Variants in HEXB observed in about 807,000 individuals in gnomAD.
The protein encoded by HEXB is beta-hexosaminidase subunit beta.
In HEXB, 51 loss-of-function variants were observed where a neutral mutation model predicts 71.2. The ratio of observed to expected loss-of-function variants is 0.72; its 90% CI spans 0.57 to 0.90. The LOEUF (loss-of-function observed/expected upper bound fraction) is 0.90, where lower values mean the gene tolerates loss of function less well. Ranked by LOEUF, HEXB falls within the 40% of genes least tolerant of loss-of-function variation. HEXB has a pLI of 0.00. For synonymous variants in HEXB, 266 were observed against 249.3 expected (o/e 1.07, Z -0.63); for missense variants, 617 against 677.0 (o/e 0.91, Z 0.98).
chr5:74,684,383 A>G (rs1193723994), upstream of HEXB, among the ~76,000 whole-genome samples: 1 of 152,208 alleles, frequency 6.6e-6, no homozygotes, highest in Non-Finnish European at 1.5e-5. Flanking sequence ...GTTCTCTCTC[A>G]GGATTCCTTG....
chr5:74,719,247 T>C (rs1749752717), intron 11 of HEXB, among the ~76,000 whole-genome samples: 1 of 152,230 alleles, frequency 6.6e-6, no homozygotes, highest in South Asian at 2.1e-4. Context: ...TTTATCTCCA[T>C]TTTCAGTGAT....
At chr5:74,710,900 C>G (rs1416621457) in intron 6 of HEXB, among the ~76,000 whole-genome samples, 2 of 152,186 alleles carry the variant, frequency 1.3e-5, no homozygotes, top group East Asian at 1.9e-4. Flanking sequence ...CATCAAGCTA[C>G]CAATGACTTT....
chr5:74,647,216 A>G (rs1172411769), intron 1 of HEXB, among the ~76,000 whole-genome samples: 1 of 152,226 alleles, frequency 6.6e-6, no homozygotes, highest in Non-Finnish European at 1.5e-5. Context: ...AAGTAATTAC[A>G]TTCAACAATT....
chr5:74,662,508 CT>C (rs11332020), intron 1 of HEXB, among the ~76,000 whole-genome samples: 112,003 of 152,028 alleles, frequency 0.74, 41,415 homozygotes, highest in Admixed American at 0.81. Context: ...ATGTATAACT[CT>C]TTTTCTATAT....
chr5:74,675,476 A>G (rs1748614023), intron 1 of HEXB, among the ~76,000 whole-genome samples: 1 of 152,170 alleles, frequency 6.6e-6, no homozygotes, highest in Non-Finnish European at 1.5e-5. Context: ...AAGAGCAACA[A>G]GAGGCTCCAC....
rs1395860081 is a variant in HEXB at position 74,652,670 on chromosome 5, G to A, written c.-377+12112G>A. 6.6e-6 allele frequency among the ~76,000 whole-genome samples: 1 copy of A among 152,038 alleles called. No homozygotes were observed. The highest frequency in any genetic ancestry group is 2.4e-5 in the African/African-American group (1 of 41,382). On this transcript the variant is annotated intron_variant, in intron 1 of 13. Coordinates refer to the HEXB transcript ENST00000511181. The surrounding 1 kb of genome is among the most constrained non-coding windows in gnomAD (Gnocchi z 5.4). ...CCTCCCTTACCCCCACTACCCCCAG[G>A]ATTGTGTCCAAGTTCCAAAGTGTTC...
At chr5:74,693,394 G>A (rs1175169552) in intron 2 of HEXB, 22 of 554,298 alleles carry the variant, frequency 4.0e-5, no homozygotes, top group Non-Finnish European at 7.2e-5. Flanking sequence ...CTGAAATGAG[G>A]AACACAGAAG....
chr5:74,718,753 G>A (rs770008664), intron 10 of HEXB, 44 bp from the exon 11 acceptor site: 6 of 1,573,044 alleles, frequency 3.8e-6, no homozygotes, highest in Non-Finnish European at 5.3e-6. Flanking sequence ...TTCATCTACT[G>A]TTCTAGGCCT....
At chr5:74,710,529 C>T (rs1315971760) in intron 6 of HEXB, among the ~76,000 whole-genome samples, 1 of 152,060 alleles carries the variant, frequency 6.6e-6, no homozygotes, top group Non-Finnish European at 1.5e-5. Flanking sequence ...GATTGTATAT[C>T]TAGAAAACCC....
Position 74,709,002 on chromosome 5 carries a change from C to T in HEXB, c.771+3682C>T, listed in dbSNP as rs537183655. Among the ~76,000 whole-genome samples the T allele has an allele frequency of 3.6e-3, 551 of 152,098 alleles. 2 individuals carry two copies. The highest frequency in any genetic ancestry group is 0.013 in the African/African-American group (531 of 41,490). ...AACAGAAGATACATTTTTTTCAGCA[C>T]CACACCACACCTATTCCAAAATTGA... On this transcript the variant is annotated intron_variant, in intron 6 of 13. Coordinates refer to ENST00000261416, the MANE Select transcript of HEXB (RefSeq NM_000521.4).
At chr5:74,696,839 C>A in intron 4 of HEXB, 100 bp downstream of exon 4, 1 of 777,448 alleles carries the variant, frequency 1.3e-6, no homozygotes, top group Non-Finnish European at 2.2e-6. Context: ...ATTTCATTTC[C>A]CCAGATATTT....
chr5:74,649,724 G>A (rs1182686425), intron 1 of HEXB, among the ~76,000 whole-genome samples: 1 of 152,140 alleles, frequency 6.6e-6, no homozygotes, highest in Admixed American at 6.5e-5. Context: ...GTATAGTTGT[G>A]TTTTTTTAAT....
At chr5:74,701,678 A>G (rs1478733685) in intron 5 of HEXB, among the ~76,000 whole-genome samples, 1 of 152,052 alleles carries the variant, frequency 6.6e-6, no homozygotes, top group Non-Finnish European at 1.5e-5. Context: ...ATAGTGTGCA[A>G]AGAACTCCTA....
At chr5:74,718,725 A>G (rs1387691767) in intron 10 of HEXB, 72 bp from the exon 11 acceptor site, 9 of 1,418,466 alleles carry the variant, frequency 6.3e-6, no homozygotes, top group South Asian at 2.3e-5. Flanking sequence ...CCTAGTAATA[A>G]TGCCTTAAAC....
chr5:74,717,151 A>G (rs1042325595), intron 9 of HEXB, among the ~76,000 whole-genome samples: 1 of 152,168 alleles, frequency 6.6e-6, no homozygotes, highest in Non-Finnish European at 1.5e-5. Flanking sequence ...ACTGCACTCC[A>G]GCCTGGGCAA....
At chr5:74,684,669 CT>C (rs925738644), upstream of HEXB, among the ~76,000 whole-genome samples, 11 of 138,562 alleles carry the variant, frequency 7.9e-5, no homozygotes, top group African/African-American at 3.1e-4. Context: ...TTTTCTTTTT[CT>C]TTTCTTTTTT....
rs1358640976 is a variant in HEXB at position 74,652,800 on chromosome 5, G to T, written c.-377+12242G>T. 6.6e-6 allele frequency among the ~76,000 whole-genome samples: 1 copy of T among 152,068 alleles called. No individual in the cohort carries two copies. Among genetic ancestry groups the T allele is most frequent in the Non-Finnish European group, 1.5e-5 (1 of 68,034 alleles). ...CACCCTCTCTGAGCTCCAATAAGGT[G>T]GCTACTCAGTCTTGTCTCACTGCAG... On this transcript the variant is annotated intron_variant, in intron 1 of 13. Coordinates refer to the HEXB transcript ENST00000511181. This position sits in a 1 kb window ranked among gnomAD's most constrained non-coding sequence, Gnocchi z 5.4.
chr5:74,642,631 C>T (rs755721644), intron 1 of HEXB, among the ~76,000 whole-genome samples: 2 of 151,952 alleles, frequency 1.3e-5, no homozygotes, highest in Admixed American at 6.6e-5. Context: ...TAAAACGGCA[C>T]CTAGATGACC....
rs1447171708 is a variant in HEXB at position 74,677,549 on chromosome 5, C to A, written c.-376-11779C>A. Among the ~76,000 whole-genome samples the A allele has an allele frequency of 9.7e-5, 13 of 134,072 alleles. No individual in the cohort carries two copies. The East Asian group carries it at 2.7e-3, about 28-fold the overall frequency. 88.0% of individuals were successfully genotyped at this position (134,072 alleles called of 152,430 possible). ...TCAGAGGTCCATGCCAAGTTCAGCT[C>A]TCTTTGCCAACACCAGCAATTCAAC... is the stretch of plus-strand genomic sequence containing the variant. On this transcript the variant is annotated intron_variant, in intron 1 of 13. Coordinates refer to the HEXB transcript ENST00000511181.
Sources: allele counts gnomAD v4.1 joint callset (sites outside exome capture counted in the v4.1 genomes callset), GRCh38; gene constraint gnomAD v4.1.1; non-coding constraint Gnocchi (gnomAD v3.1); transcripts MANE v1.5; gene names NCBI Gene and HGNC (gene_info 2026-07-23, HGNC 2026-07-21).